LOC128092253: variants seen among roughly 807,000 people sequenced by gnomAD.
the LOC128092253 span, among the ~76,000 whole-genome samples, chr6:133,962,187 G>C: frequency 6.6e-6 from 1 of 152,150 alleles, no homozygotes; most frequent in Non-Finnish European, 1.5e-5. Context: ...TCGGGGGTGG[G>C]AAGTCCACTG....
the LOC128092253 span, among the ~76,000 whole-genome samples, chr6:133,957,458 G>T: frequency 6.6e-6 from 1 of 152,192 alleles, no homozygotes; most frequent in South Asian, 2.1e-4. Flanking sequence ...TAACTCACTA[G>T]GTGAGAACTT....
At chr6:133,957,362 A>G in the LOC128092253 span, among the ~76,000 whole-genome samples, 14 of 152,344 alleles carry the variant, frequency 9.2e-5, no homozygotes, top group East Asian at 2.3e-3. Context: ...CTTAGGACAT[A>G]TGTGGATGAT....
chr6:133,974,046 A>T, the LOC128092253 span, among the ~76,000 whole-genome samples: 1 of 150,498 alleles, frequency 6.6e-6, no homozygotes, highest in African/African-American at 2.4e-5. Flanking sequence ...CAATTCTCTG[A>T]ATAGAACAGT....
the LOC128092253 span, among the ~76,000 whole-genome samples, chr6:133,962,862 G>A: frequency 6.9e-3 from 1,055 of 152,288 alleles, 10 homozygotes; most frequent in African/African-American, 0.024. Flanking sequence ...GCTTTTCAGG[G>A]TCTGGCATGG....
At chr6:133,965,869 TC>T in the LOC128092253 span, among the ~76,000 whole-genome samples, 1 of 152,190 alleles carries the variant, frequency 6.6e-6, no homozygotes, top group African/African-American at 2.4e-5. Context: ...TGAATGCTTG[TC>T]ATGTGCAAGT....
At chr6:133,976,973 A>G in the LOC128092253 span, among the ~76,000 whole-genome samples, 8 of 149,446 alleles carry the variant, frequency 5.4e-5, no homozygotes, top group African/African-American at 7.7e-5. Flanking sequence ...GTCTCAAAAA[A>G]AAAAAAAAAG....
the LOC128092253 span, among the ~76,000 whole-genome samples, chr6:133,955,478 A>G: frequency 1.2e-3 from 184 of 151,994 alleles, no homozygotes; most frequent in Non-Finnish European, 1.8e-3. Flanking sequence ...GCATTTCATT[A>G]ATGTGATTTT....
the LOC128092253 span, among the ~76,000 whole-genome samples, chr6:133,958,177 A>T: frequency 1.3e-5 from 2 of 152,212 alleles, no homozygotes; most frequent in Admixed American, 1.3e-4. Flanking sequence ...CTATTGAAAT[A>T]CTATTTCCCT....
the LOC128092253 span, among the ~76,000 whole-genome samples, chr6:133,962,282 G>A: frequency 6.6e-6 from 1 of 152,198 alleles, no homozygotes. Context: ...CAATTAGGAA[G>A]ATAATCCTGG....
At chr6:133,975,663 T>C in the LOC128092253 span, among the ~76,000 whole-genome samples, 1 of 152,198 alleles carries the variant, frequency 6.6e-6, no homozygotes, top group Non-Finnish European at 1.5e-5. Context: ...ACCAGATTCA[T>C]CAATAATCTT....
chr6:133,961,753 C>T, the LOC128092253 span, among the ~76,000 whole-genome samples: 1 of 152,094 alleles, frequency 6.6e-6, no homozygotes, highest in Non-Finnish European at 1.5e-5. Flanking sequence ...TGTGACCCAC[C>T]GCACTTGGCC....
chr6:133,969,795 C>T, the LOC128092253 span, among the ~76,000 whole-genome samples: 310 of 152,242 alleles, frequency 2.0e-3, 2 homozygotes, highest in Non-Finnish European at 4.0e-3. Context: ...CCTTTGAACA[C>T]AAATGCATGC....
the LOC128092253 span, among the ~76,000 whole-genome samples, chr6:133,955,678 G>A: frequency 6.6e-6 from 1 of 152,172 alleles, no homozygotes; most frequent in Admixed American, 6.5e-5. Flanking sequence ...AATGAAAGAC[G>A]TTAGAAGTCC....
the LOC128092253 span, among the ~76,000 whole-genome samples, chr6:133,967,724 T>C: frequency 2.0e-5 from 3 of 152,212 alleles, no homozygotes; most frequent in African/African-American, 7.2e-5. Flanking sequence ...TATAATATTA[T>C]GGACCCCTGG....
the LOC128092253 span, among the ~76,000 whole-genome samples, chr6:133,969,341 TTTC>T: frequency 6.6e-6 from 1 of 151,714 alleles, no homozygotes; most frequent in Admixed American, 6.6e-5. Flanking sequence ...ACCTTGTAGC[TTTC>T]TTAATATAGA....
At chr6:133,957,210 T>A in the LOC128092253 span, among the ~76,000 whole-genome samples, 3 of 152,212 alleles carry the variant, frequency 2.0e-5, no homozygotes, top group African/African-American at 7.2e-5. Flanking sequence ...GTAGTGGAGA[T>A]GTGCCTTTGT....
the LOC128092253 span, among the ~76,000 whole-genome samples, chr6:133,958,826 TA>T: frequency 6.6e-6 from 1 of 152,206 alleles, no homozygotes; most frequent in Non-Finnish European, 1.5e-5. Context: ...GGTAAAGTGT[TA>T]TAATTCCTTC....
the LOC128092253 span, among the ~76,000 whole-genome samples, chr6:133,959,148 T>A: frequency 6.6e-6 from 1 of 152,124 alleles, no homozygotes; most frequent in Admixed American, 6.5e-5. Context: ...CAAGTGATTC[T>A]TGTGCCTCAG....
the LOC128092253 span, among the ~76,000 whole-genome samples, chr6:133,968,488 A>G: frequency 2.6e-5 from 4 of 152,192 alleles, no homozygotes; most frequent in Admixed American, 2.0e-4. Context: ...TATTGTTAGC[A>G]TTCACTAATA....
Sources: gnomAD v4.1 joint callset for allele counts (sites outside exome capture counted in the v4.1 genomes callset) on GRCh38, gnomAD v4.1.1 for gene constraint, MANE v1.5 for transcripts.